TTC39B: variants seen among roughly 807,000 people sequenced by gnomAD.
TTC39B encodes tetratricopeptide repeat protein 39B.
A neutral mutation model predicts 96.6 loss-of-function variants in TTC39B; 92 were observed. The ratio of observed to expected loss-of-function variants is 0.95; its 90% confidence interval spans 0.80 to 1.13. The LOEUF is 1.13. Among genes scored for constraint, TTC39B ranks in the 50% most tolerant of loss-of-function variants. The probability of loss-of-function intolerance (pLI) is 0.00; values close to 1 mark genes in which losing one functional copy is unlikely to be tolerated. For missense variants in TTC39B, 955 were observed against 809.3 expected, an observed-to-expected ratio of 1.18 and a Z score of -2.18; for synonymous variants, 367 against 299.4, an observed-to-expected ratio of 1.23 and a Z score of -2.33.
intron 1 of TTC39B, among the ~76,000 whole-genome samples, chr9:15,269,281 G>C (rs1312917632): frequency 1.3e-5 from 2 of 152,164 alleles, no homozygotes; most frequent in Non-Finnish European, 2.9e-5. Context: ...GTCACCCTCT[G>C]TCTCCATCAG....
At chr9:15,302,666 A>C (rs1587043201) in intron 1 of TTC39B, among the ~76,000 whole-genome samples, 1 of 151,514 alleles carries the variant, frequency 6.6e-6, no homozygotes, top group East Asian at 2.0e-4. Context: ...CAACGTGCTG[A>C]AACTCTGTTT....
exon 4 of TTC39B, chr9:15,214,202 G>A: frequency 6.2e-7 from 1 of 1,614,058 alleles, no homozygotes; most frequent in African/African-American, 1.3e-5. Flanking sequence ...CAATGCCACA[G>A]CACATTCTTC....
At chr9:15,218,768 G>A (rs1163504231) in intron 3 of TTC39B, among the ~76,000 whole-genome samples, 1 of 151,918 alleles carries the variant, frequency 6.6e-6, no homozygotes, top group Non-Finnish European at 1.5e-5. Flanking sequence ...TAGTAAATGA[G>A]CATCTGGGCT....
chr9:15,270,912 C>G (rs1321773384), intron 1 of TTC39B, among the ~76,000 whole-genome samples: 2 of 152,124 alleles, frequency 1.3e-5, no homozygotes, highest in African/African-American at 2.4e-5. Flanking sequence ...AAGAGAAGAA[C>G]TAAGATTTAC....
At chr9:15,196,118 A>G (rs1444619387) in intron 8 of TTC39B, among the ~76,000 whole-genome samples, 3 of 152,258 alleles carry the variant, frequency 2.0e-5, no homozygotes, top group African/African-American at 7.2e-5. Context: ...CTCAGGGAAA[A>G]AAACATTTAT....
At chr9:15,307,020 C>T in intron 1 of TTC39B, 64 bp downstream of exon 1, 1 of 1,575,990 alleles carries the variant, frequency 6.3e-7, no homozygotes, top group Admixed American at 1.8e-5. Context: ...CGGGCTCACT[C>T]TTCTCTCCCG....
At chr9:15,222,596 C>A (rs565419201) in intron 3 of TTC39B, among the ~76,000 whole-genome samples, 6 of 152,188 alleles carry the variant, frequency 3.9e-5, no homozygotes, top group African/African-American at 7.2e-5. Context: ...GGAACTCAGT[C>A]TCCGGAGCAG....
intron 2 of TTC39B, among the ~76,000 whole-genome samples, chr9:15,253,547 T>C (rs966399338): frequency 2.0e-5 from 3 of 152,204 alleles, no homozygotes; most frequent in Non-Finnish European, 2.9e-5. Context: ...AATAAACCTG[T>C]ATTATGTGAA....
intron 1 of TTC39B, among the ~76,000 whole-genome samples, chr9:15,269,038 C>T (rs1413810273): frequency 6.6e-6 from 1 of 152,198 alleles, no homozygotes; most frequent in African/African-American, 2.4e-5. Flanking sequence ...AAACATCCCA[C>T]AGCTCTCTGC....
chr9:15,235,987 C>T (rs1430242397), intron 2 of TTC39B, among the ~76,000 whole-genome samples: 2 of 152,112 alleles, frequency 1.3e-5, no homozygotes, highest in Non-Finnish European at 2.9e-5. Context: ...TGTAAATGAC[C>T]TAAATGCCCC....
chr9:15,259,958 T>C lies in TTC39B; in HGVS notation c.275+7956A>G, dbSNP rs1041509645. ...TAAGAGTGGGAATAGATAATGACTATAAAAAGGCACAGATTTCTTTTTCAG... is the reference window on the plus strand; with the variant it reads ...TAAGAGTGGGAATAGATAATGACTACAAAAAGGCACAGATTTCTTTTTCAG... On this transcript the variant is annotated intron_variant, in intron 2 of 19. Transcript: ENST00000512701. 4.6e-5 allele frequency among the ~76,000 whole-genome samples: 7 copies of C among 152,170 alleles called. No homozygotes were observed. The South Asian group carries it at 8.3e-4, about 18-fold the overall frequency.
chr9:15,185,188 G>A (rs1305379752), intron 16 of TTC39B, 92 bp downstream of exon 16: 10 of 1,461,544 alleles, frequency 6.8e-6, no homozygotes, highest in African/African-American at 2.9e-5. Context: ...TTTTAAATGA[G>A]CTAAACTTCA....
intron 2 of TTC39B, among the ~76,000 whole-genome samples, chr9:15,236,319 C>T (rs1318597048): frequency 6.6e-6 from 1 of 152,142 alleles, no homozygotes; most frequent in African/African-American, 2.4e-5. Context: ...CCAGATTTAT[C>T]AAACAAATGC....
exon 2 of TTC39B, chr9:15,267,940 G>T: frequency 6.2e-7 from 1 of 1,610,154 alleles, no homozygotes; most frequent in East Asian, 2.2e-5. Context: ...AGGCATCTTC[G>T]AAAACGTCCT....
chr9:15,188,369 T>C (rs1319573410), intron 13 of TTC39B, among the ~76,000 whole-genome samples: 1 of 152,174 alleles, frequency 6.6e-6, no homozygotes, highest in African/African-American at 2.4e-5. Context: ...GAGGTTCCAT[T>C]CCAAGGAAGA....
intron 2 of TTC39B, among the ~76,000 whole-genome samples, chr9:15,243,999 T>G (rs1349691712): frequency 6.6e-6 from 1 of 152,246 alleles, no homozygotes; most frequent in Non-Finnish European, 1.5e-5. Flanking sequence ...GCTGCTGTTT[T>G]CCTTGCCCAT....
At chr9:15,218,795 T>G (rs1436456077) in intron 3 of TTC39B, among the ~76,000 whole-genome samples, 1 of 152,162 alleles carries the variant, frequency 6.6e-6, no homozygotes, top group East Asian at 1.9e-4. Context: ...TCAGATCCTT[T>G]TATTCATTTC....
intron 1 of TTC39B, among the ~76,000 whole-genome samples, chr9:15,295,668 A>C (rs892265088): frequency 2.6e-5 from 4 of 152,268 alleles, no homozygotes; most frequent in African/African-American, 9.6e-5. Context: ...TTTGCATTTT[A>C]GTAGTACCTT....
At chr9:15,199,579 CA>C (rs1819393686) in intron 8 of TTC39B, among the ~76,000 whole-genome samples, 1 of 150,838 alleles carries the variant, frequency 6.6e-6, no homozygotes, top group African/African-American at 2.4e-5. Flanking sequence ...ACTAAAAATA[CA>C]AAAAATTAGC....
Sources: gnomAD v4.1 joint callset for allele counts (sites outside exome capture counted in the v4.1 genomes callset) on GRCh38, gnomAD v4.1.1 for gene constraint, MANE v1.5 for transcripts, NCBI Gene and HGNC (gene_info 2026-07-23, HGNC 2026-07-21) for gene names.